Variants in SRGAP1 observed in about 807,000 individuals in gnomAD.
SRGAP1 encodes the protein SLIT-ROBO Rho GTPase activating protein 1.
A neutral mutation model predicts 121.9 loss-of-function variants in SRGAP1; 43 were observed. The observed-to-expected ratio is 0.35, with a 90% CI of 0.28 to 0.46. The LOEUF is 0.46. SRGAP1 is among the 20% of genes least tolerant of loss of function. The pLI, the probability that SRGAP1 is intolerant of heterozygous loss-of-function variation, is 1.00. For missense variants in SRGAP1, 1,102 were observed against 1,350.9 expected (o/e 0.82, Z 2.89); for synonymous variants, 447 against 485.4 (o/e 0.92, Z 1.04).
At chr12:63,924,472 T>A (rs2031184437) in intron 1 of SRGAP1, among the ~76,000 whole-genome samples, 1 of 152,230 alleles carries the variant, frequency 6.6e-6, no homozygotes, top group South Asian at 2.1e-4. Context: ...TCATCTAGTT[T>A]AGGCATTACA....
chr12:63,902,068 A>G (rs1480262353), intron 1 of SRGAP1, among the ~76,000 whole-genome samples: 1 of 152,196 alleles, frequency 6.6e-6, no homozygotes, highest in Non-Finnish European at 1.5e-5. Context: ...TAATCCCAGT[A>G]CTTTGGGAGG....
intron 1 of SRGAP1, among the ~76,000 whole-genome samples, chr12:63,874,612 AATT>A (rs1484484349): frequency 6.6e-6 from 1 of 152,138 alleles, no homozygotes; most frequent in African/African-American, 2.4e-5. Flanking sequence ...AATATATTAC[AATT>A]ATTATTTCTG....
chr12:64,109,143 A>G, intron 16 of SRGAP1, 106 bp downstream of exon 16: 1 of 663,460 alleles, frequency 1.5e-6, no homozygotes, highest in Non-Finnish European at 2.3e-6. Context: ...GTCAAAGAGA[A>G]AAATGATTGA....
At chr12:64,039,155 T>G (rs1565651871) in intron 4 of SRGAP1, among the ~76,000 whole-genome samples, 1 of 152,348 alleles carries the variant, frequency 6.6e-6, no homozygotes, top group East Asian at 1.9e-4. Flanking sequence ...CTTTTAAAAT[T>G]CATTCACTGT....
At chr12:63,995,711 C>G (rs7300468) in intron 3 of SRGAP1, among the ~76,000 whole-genome samples, 75,182 of 151,874 alleles carry the variant, frequency 0.5, 19,023 homozygotes, top group African/African-American at 0.61. Context: ...TGGCATAAGT[C>G]CCATAGGTTG....
rs372712486 is a variant in SRGAP1 at position 64,161,706 on chromosome 12, C to T, written c.*19034C>T. The T allele has an allele frequency of 1.3e-5, 2 of 152,076 alleles. No homozygotes were observed. The highest frequency in any genetic ancestry group is 1.3e-4 in the Admixed American group (2 of 15,260). The allele number at this position is 152,076 out of a possible 1,614,324, so 9.4% of individuals were successfully genotyped here. On this transcript the variant is annotated 3_prime_UTR_variant, in exon 22 of 22. Coordinates refer to ENST00000355086, the MANE Select transcript of SRGAP1 (RefSeq NM_020762.4). ...GGCTTTCCTAAAATTCCTGGTGATCCTTGGCTATCTGCTCGAATTTAAAAA... is the reference window on the plus strand; with the variant it reads ...GGCTTTCCTAAAATTCCTGGTGATCTTTGGCTATCTGCTCGAATTTAAAAA...
chr12:63,872,510 C>T (rs1303408450), intron 1 of SRGAP1, among the ~76,000 whole-genome samples: 1 of 152,092 alleles, frequency 6.6e-6, no homozygotes, highest in African/African-American at 2.4e-5. Context: ...TAGACATAGA[C>T]ATGTGGTTCA....
At chr12:63,889,050 C>CT (rs1424138443) in intron 1 of SRGAP1, among the ~76,000 whole-genome samples, 1 of 152,190 alleles carries the variant, frequency 6.6e-6, no homozygotes, top group Non-Finnish European at 1.5e-5. Flanking sequence ...GCTTTGTTTT[C>CT]TGTAGCCCTT....
intron 21 of SRGAP1, among the ~76,000 whole-genome samples, chr12:64,134,486 C>T (rs1565696032): frequency 6.6e-6 from 1 of 151,910 alleles, no homozygotes; most frequent in Non-Finnish European, 1.5e-5. Flanking sequence ...TGGTCAAGGA[C>T]TCTCCCAGCT....
chr12:64,096,748 T>C (rs954059774), intron 14 of SRGAP1, among the ~76,000 whole-genome samples: 1 of 152,208 alleles, frequency 6.6e-6, no homozygotes, highest in Non-Finnish European at 1.5e-5. Flanking sequence ...CCATGCCACT[T>C]TGGGAAATAC....
chr12:63,911,342 T>G (rs553287413), intron 1 of SRGAP1, among the ~76,000 whole-genome samples: 8 of 151,954 alleles, frequency 5.3e-5, no homozygotes, highest in Non-Finnish European at 1.2e-4. Context: ...TCAATAACTT[T>G]AAGGTGTCAC....
At chr12:64,088,934 G>C (rs1414665039) in intron 11 of SRGAP1, among the ~76,000 whole-genome samples, 2 of 152,186 alleles carry the variant, frequency 1.3e-5, no homozygotes, top group African/African-American at 4.8e-5. Flanking sequence ...GCTTAGCTTT[G>C]TCAGCTTCTC....
intron 8 of SRGAP1, among the ~76,000 whole-genome samples, chr12:64,071,575 A>G (rs2035636339): frequency 6.6e-6 from 1 of 152,190 alleles, no homozygotes; most frequent in African/African-American, 2.4e-5. Context: ...ATTTGAGATC[A>G]TGCTCCTTAG....
chr12:63,972,945 C>G (rs767293454), intron 1 of SRGAP1, among the ~76,000 whole-genome samples: 1 of 151,842 alleles, frequency 6.6e-6, no homozygotes, highest in Non-Finnish European at 1.5e-5. Context: ...GTCAGGAGCT[C>G]GAGACCAGCC....
At chr12:64,012,551 CTTTTTTTTTTTTTT>C (rs386376760) in intron 3 of SRGAP1, among the ~76,000 whole-genome samples, 1 of 77,662 alleles carries the variant, frequency 1.3e-5, no homozygotes, top group Non-Finnish European at 2.3e-5. Flanking sequence ...AAGTTATTAT[CTTTTTTTTTTTTTT>C]TTTTTTTTTT....
rs199969990 is a variant in SRGAP1, at chr12:64,104,898, AAT to A, written c.1814-4020_1814-4019del. On this transcript the variant is annotated intron_variant, in intron 15 of 21. Transcript: ENST00000355086. Reference sequence around the variant, plus strand: ...CCCCTCATTCTTTTATTGTGGTAAAAATATATATATATATAAAAAATATAAAA... The same window carrying A: ...CCCCTCATTCTTTTATTGTGGTAAAAATATATATATATAAAAAATATAAAA... Among the ~76,000 whole-genome samples, 371 of 147,366 alleles carry A rather than the reference AAT, an allele frequency of 2.5e-3. 2 individuals are homozygous for A. Among genetic ancestry groups the A allele is most frequent in the African/African-American group, 9.2e-3 (350 of 38,142 alleles).
At chr12:64,073,130 T>C (rs1429554866) in intron 8 of SRGAP1, among the ~76,000 whole-genome samples, 2 of 152,198 alleles carry the variant, frequency 1.3e-5, no homozygotes, top group Non-Finnish European at 2.9e-5. Flanking sequence ...GGCTGGTGTA[T>C]GTCAGAAGCT....
At chr12:64,039,918 A>G (rs1004293331) in intron 4 of SRGAP1, among the ~76,000 whole-genome samples, 4 of 150,200 alleles carry the variant, frequency 2.7e-5, no homozygotes, top group Non-Finnish European at 3.0e-5. Context: ...CAGGTTCAAT[A>G]ATTACTAAAA....
At chr12:63,869,359 G>C (rs1367284505) in intron 1 of SRGAP1, among the ~76,000 whole-genome samples, 4 of 152,184 alleles carry the variant, frequency 2.6e-5, no homozygotes, top group African/African-American at 9.7e-5. Context: ...ACCCCTCATG[G>C]TCTGATCACC....
Sources: gnomAD v4.1 joint callset for allele counts (sites outside exome capture counted in the v4.1 genomes callset) on GRCh38, gnomAD v4.1.1 for gene constraint, MANE v1.5 for transcripts, NCBI Gene and HGNC (gene_info 2026-07-23, HGNC 2026-07-21) for gene names.